The following SENP8 variants were observed in gnomAD, a reference collection of about 807,000 sequenced individuals.
SENP8 encodes the protein SUMO peptidase family member, NEDD8 specific, also known as sentrin-specific protease 8.
SENP8 carries 10 observed loss-of-function variants against 14.4 expected under a neutral mutation model. That is an observed-to-expected ratio of 0.69 (90% CI 0.43 to 1.18). The LOEUF is 1.18. Among genes scored for constraint, SENP8 ranks in the 50% most tolerant of loss-of-function variants. The pLI, the probability that SENP8 is intolerant of heterozygous loss-of-function variation, is 0.00. For missense variants in SENP8, 202 were observed against 249.4 expected (o/e 0.81, Z 1.28); for synonymous variants, 94 against 95.5 (o/e 0.98, Z 0.09).
At position 72,139,948 on chromosome 15, in the gene SENP8, C is replaced by T. The variant is rs908575997; in HGVS notation, c.325C>T (p.Leu109Phe). The T allele has an allele frequency of 3.1e-6, 5 of 1,614,080 alleles. No individual in the cohort carries two copies. The highest frequency in any genetic ancestry group is 3.4e-6 in the Non-Finnish European group (4 of 1,180,042). ...AACCCACTGGAGTTTATTGGTCTAC[C>T]TCCAAGATAAAAATAGCTTTTTTCA... ...GGTHWSLLVY[L>F]QDKNSFFHYD... Residue 109 changes from leucine (L) to phenylalanine (F), a missense_variant, in exon 2 of 2, where the codon CTC (leucine) becomes TTC (phenylalanine). Physicochemically the swap from Leu to Phe is conservative, Grantham distance 22 (BLOSUM62 0). Transcript: ENST00000340912.
rs747514471 is a variant in SENP8 at position 72,139,992 on chromosome 15, G to A, written c.369G>A (p.Arg123=). The change falls in exon 2 of 2, where the codon AGG becomes AGA. Residue 123 remains arginine (R), a synonymous_variant. Coordinates refer to ENST00000340912, the MANE Select transcript of SENP8 (RefSeq NM_145204.4). ...TTTTTCATTATGATTCCCATAGCAG[G>A]AGCAACTCAGTTCACGCAAAGCAGG... ...NSFFHYDSHS[R]SNSVHAKQVA... 2 of 1,614,190 alleles carry A rather than the reference G, an allele frequency of 1.2e-6. No homozygotes were observed. The highest frequency in any genetic ancestry group is 3.3e-5 in the Admixed American group (2 of 60,018).
chr15:72,138,753 G>A (rs1205190130), intron 1 of SENP8, among the ~76,000 whole-genome samples: 1 of 151,032 alleles, frequency 6.6e-6, no homozygotes, highest in Non-Finnish European at 1.5e-5. Context: ...ACAAGGTCAG[G>A]AATTCGAGAC....
At chr15:72,137,618 C>T (rs1016936728) in intron 1 of SENP8, among the ~76,000 whole-genome samples, 4 of 152,110 alleles carry the variant, frequency 2.6e-5, no homozygotes, top group Non-Finnish European at 5.9e-5. Flanking sequence ...TAACTACTAC[C>T]GTAATCACTG....
chr15:72,134,159 T>A (rs949429150), intron 1 of SENP8, among the ~76,000 whole-genome samples: 9 of 152,240 alleles, frequency 5.9e-5, no homozygotes, highest in Non-Finnish European at 2.9e-5. Context: ...TTGCCTGGGC[T>A]GGTCTCGAAC....
rs1319021071 is a variant in SENP8 at position 72,139,585 on chromosome 15, C to A, written c.-39C>A. ...ATAATATTGTCTTCTAGCTCTTGTT[C>A]AGCTTCTGGAATTTCTGAGCAGCCC... On this transcript the variant is annotated 5_prime_UTR_variant, in exon 2 of 2. Coordinates refer to ENST00000340912, the MANE Select transcript of SENP8 (RefSeq NM_145204.4). 6.3e-7 allele frequency: 1 copy of A among 1,578,066 alleles called. No homozygotes were observed. Among genetic ancestry groups the A allele is most frequent in the Admixed American group, 1.8e-5 (1 of 55,228 alleles).
At chr15:72,138,829 G>C (rs1170014283) in intron 1 of SENP8, among the ~76,000 whole-genome samples, 6 of 151,512 alleles carry the variant, frequency 4.0e-5, no homozygotes, top group African/African-American at 1.5e-4. Context: ...GCCGGGCATG[G>C]TGGCACATGC....
At chr15:72,122,412 GC>G (rs1204345420) in intron 1 of SENP8, among the ~76,000 whole-genome samples, 1 of 151,884 alleles carries the variant, frequency 6.6e-6, no homozygotes, top group Non-Finnish European at 1.5e-5. Flanking sequence ...CAAGGCCCAG[GC>G]AACCCATCTC....
upstream of SENP8, among the ~76,000 whole-genome samples, chr15:72,114,726 G>A (rs1456963691): frequency 6.6e-6 from 1 of 152,240 alleles, no homozygotes; most frequent in African/African-American, 2.4e-5. Flanking sequence ...CAGGGGTCTA[G>A]AGCAAAGGCA....
chr15:72,136,326 C>G (rs2081327115), intron 1 of SENP8, among the ~76,000 whole-genome samples: 1 of 152,222 alleles, frequency 6.6e-6, no homozygotes, highest in Non-Finnish European at 1.5e-5. Context: ...TTACCTTTCT[C>G]TGGCCAGATG....
Position 72,126,209 on chromosome 15 carries a change from G to A in SENP8, c.-48+7745G>A, listed in dbSNP as rs139815188. 2.6e-3 allele frequency among the ~76,000 whole-genome samples: 394 copies of A among 152,208 alleles called. 3 individuals are homozygous for A. Among genetic ancestry groups the A allele is most frequent in the African/African-American group, 9.4e-3 (389 of 41,510 alleles). On this transcript the variant is annotated intron_variant, in intron 1 of 1. Coordinates refer to ENST00000340912, the MANE Select transcript of SENP8 (RefSeq NM_145204.4). ...TCCAGTATACTAGCACTAGCCACAT[G>A]TGGCTATTTAAATTTTAGTTAATTA...
chr15:72,116,599 A>T (rs1013538588), upstream of SENP8, among the ~76,000 whole-genome samples: 2 of 152,144 alleles, frequency 1.3e-5, no homozygotes, highest in African/African-American at 4.8e-5. Context: ...TACAAATCTT[A>T]TTTTTCTAGC....
At chr15:72,135,098 G>A (rs1596655923) in intron 1 of SENP8, 2 of 245,964 alleles carry the variant, frequency 8.1e-6, no homozygotes, top group African/African-American at 2.3e-5. Flanking sequence ...GTCTGGCTCT[G>A]TCACCCAGGC....
chr15:72,126,616 C>T (rs2081222640), intron 1 of SENP8, among the ~76,000 whole-genome samples: 1 of 67,250 alleles, frequency 1.5e-5, no homozygotes, highest in African/African-American at 6.2e-5. Flanking sequence ...CGGAGTGAGA[C>T]TCCATCTCAA....
intron 1 of SENP8, among the ~76,000 whole-genome samples, chr15:72,121,149 C>G (rs2081163875): frequency 6.6e-6 from 1 of 152,156 alleles, no homozygotes; most frequent in Non-Finnish European, 1.5e-5. Context: ...TTCCTAATAA[C>G]CAGGGCCTGC....
At chr15:72,121,600 G>T (rs1038487666) in intron 1 of SENP8, among the ~76,000 whole-genome samples, 1 of 151,848 alleles carries the variant, frequency 6.6e-6, no homozygotes, top group African/African-American at 2.4e-5. Context: ...AGACATAGTG[G>T]TGCCTGCCTG....
At chr15:72,133,247 G>A (rs2081292575) in intron 1 of SENP8, among the ~76,000 whole-genome samples, 1 of 152,132 alleles carries the variant, frequency 6.6e-6, no homozygotes, top group South Asian at 2.1e-4. Flanking sequence ...TATTATAGCT[G>A]AATTATTATC....
intron 1 of SENP8, among the ~76,000 whole-genome samples, chr15:72,138,821 C>T (rs754968050): frequency 1.3e-5 from 2 of 151,106 alleles, no homozygotes; most frequent in African/African-American, 2.4e-5. Context: ...AAAAATTAGC[C>T]GGGCATGGTG....
chr15:72,122,570 C>A (rs2081178502), intron 1 of SENP8, among the ~76,000 whole-genome samples: 2 of 152,178 alleles, frequency 1.3e-5, no homozygotes, highest in Non-Finnish European at 2.9e-5. Context: ...AAATTAACTT[C>A]CAGAACTAGG....
chr15:72,122,796 T>G (rs1305768477), intron 1 of SENP8, among the ~76,000 whole-genome samples: 2 of 152,218 alleles, frequency 1.3e-5, no homozygotes, highest in South Asian at 2.1e-4. Flanking sequence ...TTAATAATTT[T>G]TATTACTTAC....
Sources: allele counts gnomAD v4.1 joint callset (sites outside exome capture counted in the v4.1 genomes callset), GRCh38; gene constraint gnomAD v4.1.1; transcripts MANE v1.5; gene names NCBI Gene and HGNC (gene_info 2026-07-23, HGNC 2026-07-21).